The following KHDRBS2 variants were observed in gnomAD, a reference collection of about 807,000 sequenced individuals.
The protein encoded by KHDRBS2 is KH domain-containing, RNA-binding, signal transduction-associated protein 2.
A neutral mutation model predicts 44.3 loss-of-function variants in KHDRBS2; 26 were observed. The ratio of observed to expected loss-of-function variants is 0.59; its 90% CI spans 0.43 to 0.81. KHDRBS2 has a LOEUF of 0.81. Among genes scored for constraint, KHDRBS2 ranks in the 40% least tolerant of loss-of-function variants. The pLI is 0.00. For missense variants in KHDRBS2, 476 were observed against 433.1 expected (o/e 1.10, Z -0.88); for synonymous variants, 194 against 151.1 (o/e 1.28, Z -2.08).
chr6:62,021,849 A>G (rs1274329891), intron 3 of KHDRBS2, among the ~76,000 whole-genome samples: 1 of 151,454 alleles, frequency 6.6e-6, no homozygotes, highest in Non-Finnish European at 1.5e-5. Context: ...AATTAATTGT[A>G]AGAAAATTTG....
chr6:61,597,910 T>TG, the KHDRBS2 span, among the ~76,000 whole-genome samples: 4 of 129,266 alleles, frequency 3.1e-5, no homozygotes, highest in East Asian at 2.5e-4. Context: ...GAGGTTTTTT[T>TG]TGTGTTTTTT....
chr6:62,108,521 T>C (rs1049865803), intron 2 of KHDRBS2, among the ~76,000 whole-genome samples: 5 of 152,144 alleles, frequency 3.3e-5, no homozygotes, highest in Non-Finnish European at 4.4e-5. Context: ...AGTTCAACCA[T>C]CGTGGAAGTC....
At chr6:61,911,674 T>C (rs1806069475) in intron 4 of KHDRBS2, among the ~76,000 whole-genome samples, 1 of 152,260 alleles carries the variant, frequency 6.6e-6, no homozygotes, top group African/African-American at 2.4e-5. Flanking sequence ...TATTTCTTCA[T>C]GAGAAAATCC....
At chr6:62,148,741 T>C (rs1260946181) in intron 2 of KHDRBS2, among the ~76,000 whole-genome samples, 1 of 152,058 alleles carries the variant, frequency 6.6e-6, no homozygotes, top group Non-Finnish European at 1.5e-5. Flanking sequence ...CAATGTAAAT[T>C]GATAGCCTGT....
intron 6 of KHDRBS2, among the ~76,000 whole-genome samples, chr6:61,736,574 G>GAGGCAAGGCAGTTTTAATTTGTTTGTTTA (rs1775393415): frequency 1.3e-5 from 2 of 151,950 alleles, no homozygotes; most frequent in Non-Finnish European, 2.9e-5. Flanking sequence ...CTTCCAACAG[G>GAGGCAAGGCAGTTTTAATTTGTTTGTTTA]AGGCAAGGCA....
At chr6:61,959,589 T>C (rs1325590513) in intron 4 of KHDRBS2, among the ~76,000 whole-genome samples, 1 of 152,188 alleles carries the variant, frequency 6.6e-6, no homozygotes, top group Admixed American at 6.6e-5. Context: ...TGAGATTATA[T>C]AGTCTTGTTT....
At chr6:62,133,971 C>T (rs1046646245) in intron 2 of KHDRBS2, among the ~76,000 whole-genome samples, 2 of 152,096 alleles carry the variant, frequency 1.3e-5, no homozygotes, top group Non-Finnish European at 1.5e-5. Flanking sequence ...GGAAACAGAA[C>T]ATAAAAGTTT....
intron 6 of KHDRBS2, among the ~76,000 whole-genome samples, chr6:61,756,246 A>G (rs1778461050): frequency 6.6e-6 from 1 of 151,550 alleles, no homozygotes; most frequent in African/African-American, 2.4e-5. Flanking sequence ...TTCATTATTA[A>G]TTTTATTTAA....
chr6:62,156,654 T>A (rs1002698853), intron 2 of KHDRBS2, among the ~76,000 whole-genome samples: 1 of 152,146 alleles, frequency 6.6e-6, no homozygotes, highest in Admixed American at 6.5e-5. Context: ...TTTGTTTGTT[T>A]GTTTTTGTTT....
At chr6:61,723,040 T>C (rs577329385) in intron 7 of KHDRBS2, among the ~76,000 whole-genome samples, 3 of 152,138 alleles carry the variant, frequency 2.0e-5, no homozygotes, top group Non-Finnish European at 2.9e-5. Context: ...CCATCTTTGA[T>C]GTTTTGCAGC....
chr6:61,782,097 G>A (rs1783023193), intron 6 of KHDRBS2, among the ~76,000 whole-genome samples: 1 of 152,110 alleles, frequency 6.6e-6, no homozygotes, highest in Non-Finnish European at 1.5e-5. Flanking sequence ...AATCAGTATG[G>A]CAACTAATTG....
chr6:61,710,613 A>C (rs528703949), intron 7 of KHDRBS2, among the ~76,000 whole-genome samples: 1 of 151,054 alleles, frequency 6.6e-6, no homozygotes, highest in Admixed American at 6.6e-5. Flanking sequence ...CTTTTTCTAC[A>C]TGGAACTCCT....
chr6:61,561,006 T>A, the KHDRBS2 span, among the ~76,000 whole-genome samples: 1 of 152,098 alleles, frequency 6.6e-6, no homozygotes, highest in Non-Finnish European at 1.5e-5. Context: ...GTGATCTAAG[T>A]TTTTGGGCAC....
chr6:61,979,570 G>T (rs949156360), intron 3 of KHDRBS2, among the ~76,000 whole-genome samples: 10 of 152,030 alleles, frequency 6.6e-5, no homozygotes, highest in African/African-American at 2.2e-4. Flanking sequence ...GCATCCCTGC[G>T]TTCCTGTATA....
At chr6:61,892,856 T>A (rs1802179267) in intron 6 of KHDRBS2, among the ~76,000 whole-genome samples, 1 of 152,014 alleles carries the variant, frequency 6.6e-6, no homozygotes, top group Non-Finnish European at 1.5e-5. Context: ...GGACTTCATG[T>A]CTAAAACACC....
the KHDRBS2 span, among the ~76,000 whole-genome samples, chr6:61,570,805 G>C: frequency 2.0e-5 from 3 of 152,082 alleles, no homozygotes; most frequent in Non-Finnish European, 4.4e-5. Flanking sequence ...CAAGACTTTT[G>C]TATCCAGAAA....
chr6:62,061,757 C>G (rs531282198), intron 2 of KHDRBS2, among the ~76,000 whole-genome samples: 1 of 149,048 alleles, frequency 6.7e-6, no homozygotes, highest in Non-Finnish European at 1.5e-5. Context: ...TGGATAATAT[C>G]CTGCAGAGTG....
intron 6 of KHDRBS2, among the ~76,000 whole-genome samples, chr6:61,769,853 C>A (rs6928701): frequency 6.6e-6 from 1 of 152,170 alleles, no homozygotes; most frequent in Non-Finnish European, 1.5e-5. Context: ...TCTCCCAGCA[C>A]GCAGCTTGAG....
chr6:62,103,425 G>A (rs1204079677), intron 2 of KHDRBS2, among the ~76,000 whole-genome samples: 1 of 152,260 alleles, frequency 6.6e-6, no homozygotes, highest in Non-Finnish European at 1.5e-5. Context: ...CACTGGCTGG[G>A]CTGCCACAGT....
Sources: gnomAD v4.1 joint callset for allele counts (sites outside exome capture counted in the v4.1 genomes callset) on GRCh38, gnomAD v4.1.1 for gene constraint, MANE v1.5 for transcripts, NCBI Gene and HGNC (gene_info 2026-07-23, HGNC 2026-07-21) for gene names.